FHIT: variants seen among roughly 807,000 people sequenced by gnomAD.
The protein encoded by FHIT is fragile histidine triad diadenosine triphosphatase, also known as bis(5'-adenosyl)-triphosphatase.
A neutral mutation model predicts 17.9 loss-of-function variants in FHIT; 19 were observed. The ratio of observed to expected loss-of-function variants is 1.06; its 90% CI spans 0.74 to 1.56. The LOEUF (loss-of-function observed/expected upper bound fraction) is 1.56, where lower values mean the gene tolerates loss of function less well. Among genes scored for constraint, FHIT ranks in the 40% most tolerant of loss-of-function variants. The pLI, the probability that FHIT is intolerant of heterozygous loss-of-function variation, is 0.00. For synonymous variants in FHIT, 81 were observed against 69.7 expected (o/e 1.16, Z -0.81); for missense variants, 248 against 189.2 (o/e 1.31, Z -1.82).
intron 4 of FHIT, among the ~76,000 whole-genome samples, chr3:60,596,937 A>C (rs1007163338): frequency 6.6e-5 from 10 of 152,138 alleles, no homozygotes; most frequent in Non-Finnish European, 1.0e-4. Context: ...TTAGTGAAAA[A>C]AAATGTGCTT....
chr3:61,081,968 A>G (rs778081364), intron 2 of FHIT, among the ~76,000 whole-genome samples: 1 of 152,042 alleles, frequency 6.6e-6, no homozygotes, highest in Non-Finnish European at 1.5e-5. Flanking sequence ...AAATCTGTCA[A>G]CTTCTTTCTA....
intron 1 of FHIT, among the ~76,000 whole-genome samples, chr3:61,245,344 A>C (rs1291290983): frequency 6.6e-6 from 1 of 152,164 alleles, no homozygotes; most frequent in Admixed American, 6.5e-5. Flanking sequence ...CTTTCCCCAG[A>C]GTCACACACA....
intron 5 of FHIT, among the ~76,000 whole-genome samples, chr3:60,421,087 T>C (rs1176909595): frequency 6.6e-6 from 1 of 151,742 alleles, no homozygotes; most frequent in Non-Finnish European, 1.5e-5. Context: ...ACAGTTTTGA[T>C]GAGATGGCTA....
intron 7 of FHIT, among the ~76,000 whole-genome samples, chr3:59,964,055 T>C (rs1326308353): frequency 2.0e-5 from 3 of 152,322 alleles, no homozygotes; most frequent in South Asian, 2.1e-4. Context: ...ATTCGTTCAA[T>C]GCCAAGAATC....
chr3:59,898,380 T>C lies in FHIT; in HGVS notation c.348+23966A>G, dbSNP rs376910798. On this transcript the variant is annotated intron_variant, in intron 8 of 9. Coordinates refer to ENST00000492590, the MANE Select transcript of FHIT (RefSeq NM_002012.4). ...CATTTCAGATAAGGGGCAGTCAATATGTATGACCTTCAGATTTGATAGTAT... is the reference window on the plus strand; with the variant it reads ...CATTTCAGATAAGGGGCAGTCAATACGTATGACCTTCAGATTTGATAGTAT... 4.6e-5 allele frequency among the ~76,000 whole-genome samples: 7 copies of C among 152,186 alleles called. No homozygotes were observed. The East Asian group carries it at 1.2e-3, about 25-fold the overall frequency.
chr3:59,940,212 A>T (rs1458528179), intron 7 of FHIT, among the ~76,000 whole-genome samples: 1 of 152,228 alleles, frequency 6.6e-6, no homozygotes, highest in African/African-American at 2.4e-5. Context: ...TAGTAAGCAT[A>T]GATGTAAGGT....
chr3:60,090,838 AAAG>A (rs1270728278), intron 5 of FHIT, among the ~76,000 whole-genome samples: 2 of 152,200 alleles, frequency 1.3e-5, no homozygotes, highest in African/African-American at 2.4e-5. Flanking sequence ...TGCACCTGTG[AAAG>A]AAGATCTGTT....
chr3:60,458,758 G>A lies in FHIT; in HGVS notation c.103+78102C>T, dbSNP rs141094374. On this transcript the variant is annotated intron_variant, in intron 5 of 9. Transcript: ENST00000492590. The stretch of plus-strand genomic sequence containing the variant: ...CATTCAATTACGTTCTTCATGATAT[G>A]GGGGCTATGTGCATTCTACTATATA... Among the ~76,000 whole-genome samples, 994 of 152,004 alleles carry A rather than the reference G, an allele frequency of 6.5e-3. 16 individuals are homozygous for A. Among genetic ancestry groups the A allele is most frequent in the African/African-American group, 0.023 (936 of 41,468 alleles).
At chr3:60,207,715 T>C (rs915669180) in intron 5 of FHIT, among the ~76,000 whole-genome samples, 1 of 152,180 alleles carries the variant, frequency 6.6e-6, no homozygotes, top group Non-Finnish European at 1.5e-5. Context: ...TGAGTTCCAC[T>C]CATTGTTTCT....
At chr3:60,188,651 T>C (rs1463097514) in intron 5 of FHIT, among the ~76,000 whole-genome samples, 2 of 152,174 alleles carry the variant, frequency 1.3e-5, no homozygotes, top group Non-Finnish European at 2.9e-5. Flanking sequence ...AATTCAGCTT[T>C]TCCAAACTTC....
intron 5 of FHIT, among the ~76,000 whole-genome samples, chr3:60,059,231 T>G (rs1233849347): frequency 6.6e-6 from 1 of 152,082 alleles, no homozygotes; most frequent in African/African-American, 2.4e-5. Flanking sequence ...TTTTCAGGAG[T>G]TGGGCGAGTG....
chr3:59,981,753 A>T (rs1427620254), intron 7 of FHIT, among the ~76,000 whole-genome samples: 1 of 152,166 alleles, frequency 6.6e-6, no homozygotes, highest in Non-Finnish European at 1.5e-5. Flanking sequence ...ATTTAATGTG[A>T]AATGAGGCAA....
At chr3:60,470,066 C>T (rs1474863941) in intron 5 of FHIT, among the ~76,000 whole-genome samples, 12 of 148,766 alleles carry the variant, frequency 8.1e-5, no homozygotes, top group Non-Finnish European at 1.0e-4. Context: ...CTTTCTCTCT[C>T]TCTCTCTCTC....
intron 7 of FHIT, 53 bp from the exon 8 acceptor site, chr3:59,922,467 A>G: frequency 6.9e-7 from 1 of 1,452,380 alleles, no homozygotes; most frequent in Non-Finnish European, 9.6e-7. Flanking sequence ...ATGTATTTTT[A>G]GACTTGACAG....
At chr3:60,037,441 G>A (rs190220381) in intron 5 of FHIT, among the ~76,000 whole-genome samples, 8 of 149,024 alleles carry the variant, frequency 5.4e-5, no homozygotes, top group African/African-American at 1.7e-4. Flanking sequence ...CGAGTGCAGT[G>A]GCGAAATCTT....
At chr3:60,631,611 T>C (rs1442155647) in intron 4 of FHIT, among the ~76,000 whole-genome samples, 3 of 152,138 alleles carry the variant, frequency 2.0e-5, no homozygotes, top group Non-Finnish European at 2.9e-5. Flanking sequence ...GATAACTTTA[T>C]GAAAAATAGC....
At chr3:60,349,480 G>A (rs1710970502) in intron 5 of FHIT, among the ~76,000 whole-genome samples, 1 of 152,176 alleles carries the variant, frequency 6.6e-6, no homozygotes, top group Admixed American at 6.5e-5. Context: ...TTGCCTAAAA[G>A]GTAATAATCA....
chr3:60,052,233 C>A (rs1205142266), intron 5 of FHIT, among the ~76,000 whole-genome samples: 1 of 152,134 alleles, frequency 6.6e-6, no homozygotes, highest in African/African-American at 2.4e-5. Context: ...AAACAAGCAA[C>A]AGCATTAATT....
chr3:60,046,333 A>G (rs1229693068), intron 5 of FHIT, among the ~76,000 whole-genome samples: 1 of 152,234 alleles, frequency 6.6e-6, no homozygotes, highest in East Asian at 1.9e-4. Flanking sequence ...CAGAACACCA[A>G]TGAATTCAGG....
Sources: gnomAD v4.1 joint callset for allele counts (sites outside exome capture counted in the v4.1 genomes callset) on GRCh38, gnomAD v4.1.1 for gene constraint, MANE v1.5 for transcripts, NCBI Gene and HGNC (gene_info 2026-07-23, HGNC 2026-07-21) for gene names.